The following BMS1 variants were observed in gnomAD, a reference collection of about 807,000 sequenced individuals.
BMS1 encodes BMS1 ribosome biogenesis factor.
Under a neutral mutation model 138.7 loss-of-function variants are expected in BMS1, and 53 were observed. The ratio of observed to expected loss-of-function variants is 0.38; its 90% CI spans 0.31 to 0.48. The LOEUF (loss-of-function observed/expected upper bound fraction) is 0.48, where lower values mean the gene tolerates loss of function less well. BMS1 is among the 20% of genes least tolerant of loss of function. The pLI, the probability that BMS1 is intolerant of heterozygous loss-of-function variation, is 0.97. For missense variants in BMS1, 1,360 were observed against 1,565.5 expected (o/e 0.87, Z 2.22); for synonymous variants, 504 against 539.9 (o/e 0.93, Z 0.92).
Position 42,820,648 on chromosome 10 carries a change from G to T in BMS1, c.2910G>T (p.Lys970Asn). ...EDHNGRQRLL[K>N]YTPQHMHCGA... ...ACAATGGAAGACAAAGGCTTCTAAAGTATACCCCACAGCACATGCATTGCG... is the reference window on the plus strand; with the variant it reads ...ACAATGGAAGACAAAGGCTTCTAAATTATACCCCACAGCACATGCATTGCG... The change falls in exon 17 of 23, where the codon AAG becomes AAT. Residue 970 changes from lysine (K) to asparagine (N), a missense_variant. Physicochemically the swap from Lys to Asn is moderately conservative, Grantham distance 94. Transcript: ENST00000374518. 6.2e-7 allele frequency: 1 copy of T among 1,611,958 alleles called. No homozygotes were observed. The highest frequency in any genetic ancestry group is 8.5e-7 in the Non-Finnish European group (1 of 1,179,834).
intron 14 of BMS1, among the ~76,000 whole-genome samples, chr10:42,816,969 T>C (rs965397627): frequency 1.3e-5 from 2 of 152,238 alleles, no homozygotes; most frequent in Non-Finnish European, 2.9e-5. Context: ...TTCTCCTTTT[T>C]TTAAATTTAA....
Position 42,816,681 on chromosome 10 carries a change from T to C in BMS1, c.2403+9T>C. On this transcript the variant is annotated intron_variant, in intron 14 of 22. Coordinates refer to ENST00000374518, the MANE Select transcript of BMS1 (RefSeq NM_014753.4). The stretch of plus-strand genomic sequence containing the variant: ...CAGGCCCCAATACTCAGGTATGACT[T>C]TGTCGTAGCTGGCTGTTCTTGGTCA... 2 of 1,604,712 alleles carry C rather than the reference T, an allele frequency of 1.2e-6. No homozygotes were observed. The highest frequency in any genetic ancestry group is 1.7e-6 in the Non-Finnish European group (2 of 1,177,036).
Position 42,786,980 on chromosome 10 carries a change from A to G in BMS1, c.368-188A>G, listed in dbSNP as rs555929768. Among the ~76,000 whole-genome samples the G allele has an allele frequency of 9.2e-5, 14 of 152,348 alleles. No individual in the cohort carries two copies. The South Asian group carries it at 2.7e-3, about 29-fold the overall frequency. ...TTGATGTTATTTAAATTTAGAACAC[A>G]GCAAGAAAAACAGAATGGAATTTAT... On this transcript the variant is annotated intron_variant, in intron 3 of 22. Transcript: ENST00000374518.
In BMS1 at chr10:42,790,355, T is replaced by A. The variant is rs188653303; in HGVS notation, c.480T>A (p.Phe160Leu). ...VLMLIDASFG[F>L]EMETFEFLNI... ...TGCTTATAGATGCCAGCTTTGGGTTTGAAATGGAAACGTTTGAGTTTCTAA... is the reference window on the plus strand; with the variant it reads ...TGCTTATAGATGCCAGCTTTGGGTTAGAAATGGAAACGTTTGAGTTTCTAA... The change falls in exon 5 of 23, where the codon TTT (phenylalanine) becomes TTA (leucine). Residue 160 changes from phenylalanine to leucine, a missense_variant. Phe to Leu is a conservative substitution (Grantham distance 22). Around this residue, in one of 3 missense-constraint regions of BMS1, gnomAD observed 238 missense variants for 311.1 expected, o/e 0.77. Transcript: ENST00000374518. The A allele has an allele frequency of 6.2e-6, 10 of 1,613,946 alleles. No homozygotes were observed. In the African/African-American group the frequency reaches 1.2e-4, roughly 19 times the overall value.
chr10:42,784,275 T>G (rs753960903), intron 1 of BMS1, 87 bp from the exon 2 acceptor site: 13 of 958,656 alleles, frequency 1.4e-5, no homozygotes, highest in African/African-American at 6.6e-5. Context: ...CATAAAGAAA[T>G]AAATGAAATT....
chr10:42,806,901 T>G (rs1842028635), intron 13 of BMS1, among the ~76,000 whole-genome samples: 1 of 152,230 alleles, frequency 6.6e-6, no homozygotes, highest in Non-Finnish European at 1.5e-5. Flanking sequence ...AGAGATCTCC[T>G]GTATCTTGTA....
intron 13 of BMS1, among the ~76,000 whole-genome samples, chr10:42,811,323 A>G (rs6593496): frequency 0.47 from 71,365 of 151,132 alleles, 17,502 homozygotes; most frequent in East Asian, 0.63. Context: ...GAATACAGGC[A>G]TGAGCCACCA....
intron 2 of BMS1, 59 bp downstream of exon 2, chr10:42,784,629 C>A: frequency 6.6e-7 from 1 of 1,525,624 alleles, no homozygotes; most frequent in Non-Finnish European, 8.8e-7. Flanking sequence ...ATAGTAGGAG[C>A]CTCTCACAGG....
chr10:42,824,489 C>T (rs776148041), intron 21 of BMS1, among the ~76,000 whole-genome samples: 21 of 152,114 alleles, frequency 1.4e-4, no homozygotes, highest in Non-Finnish European at 2.6e-4. Flanking sequence ...TAGTTTGATG[C>T]AGTCCTCCTT....
Position 42,820,999 on chromosome 10 carries a change from A to G in BMS1, c.3009+7A>G, listed in dbSNP as rs1842490099. On this transcript the variant is annotated splice_region_variant and intron_variant, in intron 18 of 22. Coordinates refer to ENST00000374518, the MANE Select transcript of BMS1 (RefSeq NM_014753.4). ...GTCTGTCAGTGGCATAATGGTAACT[A>G]TCTTGGATGATTTCTTTTACAGATT... The G allele has an allele frequency of 1.6e-5, 25 of 1,554,260 alleles. No individual in the cohort carries two copies. Among genetic ancestry groups the G allele is most frequent in the Non-Finnish European group, 2.1e-5 (24 of 1,138,756 alleles).
At chr10:42,785,433 T>C in intron 2 of BMS1, 49 bp from the exon 3 acceptor site, 1 of 1,509,318 alleles carries the variant, frequency 6.6e-7, no homozygotes, top group Non-Finnish European at 8.9e-7. Flanking sequence ...TTACTCTATT[T>C]TGAAAATGAG....
At chr10:42,817,693 C>T (rs1199719187) in intron 15 of BMS1, among the ~76,000 whole-genome samples, 199 bp downstream of exon 15, 1 of 152,156 alleles carries the variant, frequency 6.6e-6, no homozygotes, top group African/African-American at 2.4e-5. Flanking sequence ...GTCAGAGGGT[C>T]ACCAGAAAAA....
At position 42,816,610 on chromosome 10, in the gene BMS1, G is replaced by A. The variant is rs141419423; in HGVS notation, c.2341G>A (p.Gly781Ser). 540 of 1,610,662 alleles carry A rather than the reference G, an allele frequency of 3.4e-4. No homozygotes were observed. Among genetic ancestry groups the A allele is most frequent in the Non-Finnish European group, 4.2e-4 (499 of 1,179,518 alleles). ...KVLAEDEELYGDFEDLETGDV... is the reference protein window; with the variant it reads ...KVLAEDEELYSDFEDLETGDV... ...TGTTCTTTTCCCAGAGGAGCTCTAC[G>A]GTGACTTTGAAGACTTGGAAACAGG... is the stretch of plus-strand genomic sequence containing the variant. Residue 781 changes from glycine to serine, a missense_variant, in exon 14 of 23, where the codon GGT becomes AGT. By Grantham distance (56) the Gly-to-Ser change is moderately conservative. Coordinates refer to ENST00000374518, the MANE Select transcript of BMS1 (RefSeq NM_014753.4).
At chr10:42,829,839 A>G (rs201682970) in intron 21 of BMS1, among the ~76,000 whole-genome samples, 2 of 56,522 alleles carry the variant, frequency 3.5e-5, no homozygotes, top group Admixed American at 3.7e-4. Context: ...AAAACAAAAC[A>G]AAAAAAACAT....
At chr10:42,786,493 CACTGCAGCCTCT>C (rs1841334455) in intron 3 of BMS1, among the ~76,000 whole-genome samples, 2 of 152,160 alleles carry the variant, frequency 1.3e-5, no homozygotes. Context: ...GATTACGGCT[CACTGCAGCCTCT>C]ACCTCCCAGG....
Position 42,798,614 on chromosome 10 carries a change from G to A in BMS1, c.2236G>A (p.Asp746Asn), listed in dbSNP as rs1841771731. ...RFLVEAPHDW[D>N]LEEVMNSIRD... Reference sequence around the variant, plus strand: ...TCTTGTGGAGGCCCCCCATGACTGGGATTTAGAGGAGGTAAGTCTGGGTAG... The same window carrying A: ...TCTTGTGGAGGCCCCCCATGACTGGAATTTAGAGGAGGTAAGTCTGGGTAG... The change falls in exon 12 of 23, where the codon GAT becomes AAT. Residue 746 changes from aspartate to asparagine, a missense_variant. Asp to Asn is a conservative substitution (Grantham distance 23, BLOSUM62 1). Coordinates refer to ENST00000374518, the MANE Select transcript of BMS1 (RefSeq NM_014753.4). 1.2e-6 allele frequency: 2 copies of A among 1,614,108 alleles called. No homozygotes were observed. The highest frequency in any genetic ancestry group is 1.3e-5 in the African/African-American group (1 of 74,948).
At chr10:42,821,898 A>C (rs1206483845) in intron 18 of BMS1, among the ~76,000 whole-genome samples, 164 bp from the exon 19 acceptor site, 2 of 152,112 alleles carry the variant, frequency 1.3e-5, no homozygotes, top group African/African-American at 4.8e-5. Flanking sequence ...AAAGTTTTGG[A>C]TTGCTTTTGT....
chr10:42,809,377 G>C (rs756823504), intron 13 of BMS1, among the ~76,000 whole-genome samples: 2 of 151,222 alleles, frequency 1.3e-5, no homozygotes, highest in Non-Finnish European at 2.9e-5. Flanking sequence ...TAGAGACAGT[G>C]TTATTTCTTT....
chr10:42,795,153 C>T (rs2132313755), intron 9 of BMS1, among the ~76,000 whole-genome samples: 1 of 151,506 alleles, frequency 6.6e-6, no homozygotes. Context: ...TTTCTTAATC[C>T]AGTCTATCAT....
Sources: gnomAD v4.1 joint callset for allele counts (sites outside exome capture counted in the v4.1 genomes callset) on GRCh38, gnomAD v4.1.1 for gene constraint, gnomAD v4.1.1 regional missense constraint, MANE v1.5 for transcripts, NCBI Gene and HGNC (gene_info 2026-07-23, HGNC 2026-07-21) for gene names.